RC3H1: variants seen among roughly 807,000 people sequenced by gnomAD.
RC3H1 encodes the protein roquin-1.
Under a neutral mutation model 138.2 loss-of-function variants are expected in RC3H1, and 50 were observed. The observed-to-expected ratio is 0.36, with a 90% CI of 0.29 to 0.46. The LOEUF (loss-of-function observed/expected upper bound fraction) is 0.46. Among genes scored for constraint, RC3H1 ranks in the 20% least tolerant of loss-of-function variants. RC3H1 has a pLI of 1.00. For synonymous variants in RC3H1, 462 were observed against 489.1 expected (o/e 0.94, Z 0.73); for missense variants, 1,031 against 1,388.1 (o/e 0.74, Z 4.09).
chr1:173,938,560 G>A lies in RC3H1; in HGVS notation c.*161C>T, dbSNP rs1658695082. 2 of 486,810 alleles carry A rather than the reference G, an allele frequency of 4.1e-6. No individual in the cohort carries two copies. Among genetic ancestry groups the A allele is most frequent in the Non-Finnish European group, 7.3e-6 (2 of 273,722 alleles). 30.2% of individuals were successfully genotyped at this position (486,810 alleles called of 1,614,324 possible). A position where few individuals can be genotyped will look rare whatever the true frequency, so the allele number is the denominator to read the frequency against. ...TGCATTAATGTGAACTATGTGCAGG[G>A]TTTGTTTTTAGTAGTGGTGTTTGTG... On this transcript the variant is annotated 3_prime_UTR_variant, in exon 20 of 20. Transcript: ENST00000367696.
At position 173,961,110 on chromosome 1, in the gene RC3H1, T is replaced by C; in HGVS notation, c.2337A>G (p.Ser779=). ...KVISPPPFAP[S]PTLPPTFHPE... The stretch of plus-strand genomic sequence containing the variant: ...GATGAAAGGTAGGAGGCAAGGTTGG[T>C]GAAGGTGCAAAAGGAGGTGGAGAGA... The change falls in exon 13 of 20, where the codon TCA becomes TCG. Residue 779 remains serine, a synonymous_variant. Coordinates refer to ENST00000367696, the MANE Select transcript of RC3H1 (RefSeq NM_172071.4). The C allele has an allele frequency of 6.2e-7, 1 of 1,613,708 alleles. No homozygotes were observed. The highest frequency in any genetic ancestry group is 8.5e-7 in the Non-Finnish European group (1 of 1,179,852).
intron 13 of RC3H1, among the ~76,000 whole-genome samples, chr1:173,957,988 A>G (rs1018608704): frequency 1.3e-5 from 2 of 152,226 alleles, no homozygotes; most frequent in Non-Finnish European, 2.9e-5. Context: ...AACAACTTCT[A>G]TTTAGTAGAC....
chr1:173,986,616 A>T (rs900134020), intron 2 of RC3H1, among the ~76,000 whole-genome samples: 2 of 151,584 alleles, frequency 1.3e-5, no homozygotes, highest in Admixed American at 6.6e-5. Context: ...AGATTGGAGT[A>T]CAGTGGCACA....
chr1:173,940,322 T>C (rs1473066651), intron 19 of RC3H1, among the ~76,000 whole-genome samples: 2 of 151,922 alleles, frequency 1.3e-5, no homozygotes, highest in African/African-American at 2.4e-5. Flanking sequence ...AAATACAAAA[T>C]TAGCCAGGCA....
chr1:174,003,373 G>C (rs1482784734), intron 1 of RC3H1, among the ~76,000 whole-genome samples: 1 of 140,780 alleles, frequency 7.1e-6, no homozygotes, highest in Non-Finnish European at 1.5e-5. Context: ...GGCAACAAGA[G>C]CAAGACTCCT....
In RC3H1 at chr1:173,964,819, G is replaced by C; in HGVS notation, c.1616+20C>G. On this transcript the variant is annotated intron_variant, in intron 10 of 19. Coordinates refer to ENST00000367696, the MANE Select transcript of RC3H1 (RefSeq NM_172071.4). ...TTATGAAGAAGAAATTTTGAAATAA[G>C]AGTTAGAAAAATGACGTACAGGTCA... 6.3e-7 allele frequency: 1 copy of C among 1,586,634 alleles called. No individual in the cohort carries two copies. Among genetic ancestry groups the C allele is most frequent in the Middle Eastern group, 1.7e-4 (1 of 5,860 alleles).
At chr1:173,963,835 AT>A (rs577337285) in intron 11 of RC3H1, 137 bp downstream of exon 11, 10 of 681,986 alleles carry the variant, frequency 1.5e-5, no homozygotes, top group Non-Finnish European at 2.4e-5. Flanking sequence ...TAAAATCTCA[AT>A]TTTTCCAAAG....
intron 1 of RC3H1, among the ~76,000 whole-genome samples, chr1:174,014,478 T>C (rs1661822456): frequency 6.6e-6 from 1 of 152,156 alleles, no homozygotes; most frequent in Non-Finnish European, 1.5e-5. Flanking sequence ...AAAATGAGAA[T>C]GGCATATGAA....
intron 10 of RC3H1, 74 bp downstream of exon 10, chr1:173,964,765 A>C: frequency 7.5e-7 from 1 of 1,335,814 alleles, no homozygotes. Flanking sequence ...TTAAATCCCA[A>C]ACATTAATTA....
At chr1:173,997,080 A>C (rs1198304901) in intron 1 of RC3H1, among the ~76,000 whole-genome samples, 1 of 151,952 alleles carries the variant, frequency 6.6e-6, no homozygotes, top group African/African-American at 2.4e-5. Context: ...AATATAAAAA[A>C]TTTAGCTGGA....
At chr1:173,998,647 A>T (rs1661506848) in intron 1 of RC3H1, among the ~76,000 whole-genome samples, 1 of 152,224 alleles carries the variant, frequency 6.6e-6, no homozygotes, top group Non-Finnish European at 1.5e-5. Context: ...ATCACATCTG[A>T]CATTTCACTA....
chr1:173,946,380 C>A lies in RC3H1; in HGVS notation c.2961+96G>T, dbSNP rs553430263. The A allele has an allele frequency of 8.9e-4, 1,015 of 1,146,538 alleles. 3 individuals are homozygous for A. Among genetic ancestry groups the A allele is most frequent in the Non-Finnish European group, 1.0e-3 (841 of 802,842 alleles). 71.0% of individuals were successfully genotyped at this position (1,146,538 alleles called of 1,614,324 possible). The stretch of plus-strand genomic sequence containing the variant: ...CTATACTAACTCCTAAGAAATAGAC[C>A]TTAAAGTTTTTTGTTCACAGTGCCT... On this transcript the variant is annotated intron_variant, in intron 17 of 19. Coordinates refer to ENST00000367696, the MANE Select transcript of RC3H1 (RefSeq NM_172071.4).
chr1:174,019,902 C>T (rs1342477330), intron 1 of RC3H1, among the ~76,000 whole-genome samples: 1 of 152,004 alleles, frequency 6.6e-6, no homozygotes, highest in African/African-American at 2.4e-5. Flanking sequence ...AATACAAAAC[C>T]TTACCACTTA....
rs1391490643 is a variant in RC3H1 at position 173,932,683 on chromosome 1, A to C, written c.*6038T>G. 1.3e-5 allele frequency: 2 copies of C among 152,162 alleles called. No homozygotes were observed. Among genetic ancestry groups the C allele is most frequent in the South Asian group, 2.1e-4 (1 of 4,830 alleles). The allele number at this position is 152,162 out of a possible 1,614,324, so 9.4% of individuals were successfully genotyped here. ...TTGAATAGAGGATGTAAAAACGATA[A>C]GCAAAAGCTAAATGCCTTTAAGTCA... is the stretch of plus-strand genomic sequence containing the variant. On this transcript the variant is annotated 3_prime_UTR_variant, in exon 20 of 20. Coordinates refer to ENST00000367696, the MANE Select transcript of RC3H1 (RefSeq NM_172071.4).
chr1:173,946,131 C>G (rs907294517), intron 17 of RC3H1, among the ~76,000 whole-genome samples: 1 of 151,722 alleles, frequency 6.6e-6, no homozygotes, highest in African/African-American at 2.4e-5. Context: ...ATCACGCCAC[C>G]TCACTCCAGC....
chr1:173,950,420 C>CAAAAAAAAAAA lies in RC3H1; in HGVS notation c.2523+1555_2523+1565dup, dbSNP rs60259705. 2.4e-4 allele frequency among the ~76,000 whole-genome samples: 15 copies of CAAAAAAAAAAA among 63,660 alleles called. 3 individuals are homozygous for CAAAAAAAAAAA. Among genetic ancestry groups the CAAAAAAAAAAA allele is most frequent in the African/African-American group, 8.3e-4 (12 of 14,404 alleles). The allele number at this position is 63,660 out of a possible 152,430, so 41.8% of individuals were successfully genotyped here. A position where few individuals can be genotyped will look rare whatever the true frequency, so the allele number is the denominator to read the frequency against. On this transcript the variant is annotated intron_variant, in intron 14 of 19. Transcript: ENST00000367696. ...CAACATAGCAAGACCTCATCTCTAC[C>CAAAAAAAAAAA]AAAAAAAAAAAAAAAAAAAAAGAGC...
At chr1:173,977,854 C>A (rs1660652103) in intron 7 of RC3H1, among the ~76,000 whole-genome samples, 2 of 152,130 alleles carry the variant, frequency 1.3e-5, no homozygotes, top group Non-Finnish European at 2.9e-5. Flanking sequence ...TATCGAAATG[C>A]TGAAAACAAA....
chr1:173,979,865 A>G (rs1660732468), intron 6 of RC3H1, among the ~76,000 whole-genome samples: 1 of 152,146 alleles, frequency 6.6e-6, no homozygotes, highest in Admixed American at 6.6e-5. Context: ...CAAACAACCT[A>G]CATTGTAACT....
At chr1:174,010,132 T>C (rs1661723913) in intron 1 of RC3H1, among the ~76,000 whole-genome samples, 1 of 151,562 alleles carries the variant, frequency 6.6e-6, no homozygotes, top group Admixed American at 6.6e-5. Context: ...TCCTCACTTT[T>C]ATCTTCCATT....
Sources: allele counts gnomAD v4.1 joint callset (sites outside exome capture counted in the v4.1 genomes callset), GRCh38; gene constraint gnomAD v4.1.1; transcripts MANE v1.5; gene names NCBI Gene and HGNC (gene_info 2026-07-23, HGNC 2026-07-21).